Variants in SAMD4A observed in about 807,000 individuals in gnomAD.
SAMD4A encodes sterile alpha motif domain containing 4A.
A neutral mutation model predicts 81.3 loss-of-function variants in SAMD4A; 33 were observed. That is an observed-to-expected ratio of 0.41 (90% confidence interval 0.31 to 0.54). SAMD4A has a LOEUF of 0.54. Ranked by LOEUF, SAMD4A falls within the 20% of genes least tolerant of loss-of-function variation. The pLI is 0.37. For missense variants in SAMD4A, 854 were observed against 951.1 expected (o/e 0.90, Z 1.34); for synonymous variants, 389 against 382.1 (o/e 1.02, Z -0.21).
intron 3 of SAMD4A, among the ~76,000 whole-genome samples, chr14:54,728,937 T>C (rs2140897839): frequency 6.6e-6 from 1 of 152,328 alleles, no homozygotes; most frequent in East Asian, 1.9e-4. Context: ...TCTGGGAGCC[T>C]TTAAGCTTCA....
intron 2 of SAMD4A, among the ~76,000 whole-genome samples, chr14:54,637,365 CAAAAAAAAA>C (rs1172084217): frequency 1.3e-4 from 8 of 63,790 alleles, no homozygotes; most frequent in Admixed American, 8.3e-4. Context: ...AACTCCATCT[CAAAAAAAAA>C]AAAAAAAAAA....
intron 2 of SAMD4A, among the ~76,000 whole-genome samples, chr14:54,574,409 G>T (rs1439668819): frequency 6.6e-6 from 1 of 152,158 alleles, no homozygotes; most frequent in Non-Finnish European, 1.5e-5. Context: ...TGCTGTTGTA[G>T]TACCTCAAAT....
chr14:54,604,591 A>G (rs1173811088), intron 2 of SAMD4A, among the ~76,000 whole-genome samples: 1 of 152,182 alleles, frequency 6.6e-6, no homozygotes, highest in Admixed American at 6.5e-5. Context: ...ATATTAGATG[A>G]TCTTCAATCT....
At chr14:54,770,001 A>AGGC in intron 8 of SAMD4A, 103 bp from the exon 9 acceptor site, 1 of 729,768 alleles carries the variant, frequency 1.4e-6, no homozygotes, top group Non-Finnish European at 2.4e-6. Context: ...GGTGAAGAAA[A>AGGC]GGCAACTGCA....
At chr14:54,720,288 T>C (rs1462473119) in intron 3 of SAMD4A, among the ~76,000 whole-genome samples, 1 of 152,220 alleles carries the variant, frequency 6.6e-6, no homozygotes, top group Admixed American at 6.5e-5. Flanking sequence ...TGGAGTTCTC[T>C]TCTGCTCCCA....
intron 2 of SAMD4A, among the ~76,000 whole-genome samples, chr14:54,668,061 G>A (rs575821832): frequency 2.0e-4 from 30 of 152,184 alleles, no homozygotes; most frequent in African/African-American, 6.3e-4. Flanking sequence ...TCGGATTTCC[G>A]CCTCAAAAAC....
intron 3 of SAMD4A, among the ~76,000 whole-genome samples, chr14:54,710,253 A>G (rs2036956247): frequency 6.6e-6 from 1 of 152,156 alleles, no homozygotes; most frequent in Non-Finnish European, 1.5e-5. Context: ...TGATGATAAA[A>G]ATGATGTGTT....
Position 54,737,164 on chromosome 14 carries a change from T to C in SAMD4A, c.856T>C (p.Ser286Pro). ...LRARGPQCLP[S>P]DHAPLSPQSS... The stretch of plus-strand genomic sequence containing the variant: ...AGCTAGAGGACCCCAGTGCCTCCCA[T>C]CCGATCATGCCCCCCTGTCTCCACA... Residue 286 changes from serine (S) to proline (P), a missense_variant, in exon 4 of 13, where the codon TCC (serine) becomes CCC (proline). Physicochemically the swap from Ser to Pro is moderately conservative, Grantham distance 74. Coordinates refer to ENST00000554335, the MANE Select transcript of SAMD4A (RefSeq NM_015589.6). 6.2e-7 allele frequency: 1 copy of C among 1,614,080 alleles called. No homozygotes were observed. Among genetic ancestry groups the C allele is most frequent in the Non-Finnish European group, 8.5e-7 (1 of 1,180,006 alleles).
At chr14:54,594,544 C>T (rs1361569228) in intron 2 of SAMD4A, among the ~76,000 whole-genome samples, 1 of 152,158 alleles carries the variant, frequency 6.6e-6, no homozygotes, top group Non-Finnish European at 1.5e-5. Flanking sequence ...TAAGTACAAA[C>T]AGCAGGACAG....
intron 2 of SAMD4A, among the ~76,000 whole-genome samples, chr14:54,602,648 G>C (rs112938121): frequency 1.8e-3 from 276 of 152,044 alleles, no homozygotes; most frequent in Middle Eastern, 0.014. Context: ...GGCCTGTTGT[G>C]GGGTGGGGGG....
chr14:54,744,935 C>A (rs959644388), intron 4 of SAMD4A, among the ~76,000 whole-genome samples: 11 of 152,220 alleles, frequency 7.2e-5, no homozygotes, highest in African/African-American at 2.7e-4. Context: ...CTTCTCACCC[C>A]AAACCTGCTG....
intron 12 of SAMD4A, among the ~76,000 whole-genome samples, chr14:54,786,123 A>C (rs1416971054): frequency 6.6e-6 from 1 of 152,246 alleles, no homozygotes; most frequent in African/African-American, 2.4e-5. Flanking sequence ...GCTCAAAAAA[A>C]TGTGGTGTAT....
chr14:54,774,663 A>AAAAAAAAAAAAAT (rs1555353324), intron 9 of SAMD4A, among the ~76,000 whole-genome samples: 1 of 151,554 alleles, frequency 6.6e-6, no homozygotes, highest in Non-Finnish European at 1.5e-5. Context: ...AAAAAAAAAA[A>AAAAAAAAAAAAAT]GTTAGCTGGG....
intron 2 of SAMD4A, among the ~76,000 whole-genome samples, chr14:54,629,627 G>T (rs116249333): frequency 0.011 from 1,735 of 151,526 alleles, 28 homozygotes; most frequent in African/African-American, 0.04. Context: ...AAGCTTACTG[G>T]TATATTCTGG....
intron 2 of SAMD4A, among the ~76,000 whole-genome samples, chr14:54,660,736 C>T (rs1307845257): frequency 1.3e-5 from 2 of 152,184 alleles, no homozygotes; most frequent in Non-Finnish European, 2.9e-5. Context: ...TAACAGCAGC[C>T]CCCTTGAACC....
At chr14:54,600,625 T>A (rs2034028225) in intron 2 of SAMD4A, among the ~76,000 whole-genome samples, 1 of 152,198 alleles carries the variant, frequency 6.6e-6, no homozygotes, top group Non-Finnish European at 1.5e-5. Context: ...CAAGTAACTG[T>A]TTAGGATGGA....
At chr14:54,644,892 C>T (rs1594767356) in intron 2 of SAMD4A, among the ~76,000 whole-genome samples, 1 of 152,168 alleles carries the variant, frequency 6.6e-6, no homozygotes, top group East Asian at 1.9e-4. Flanking sequence ...CTCTGGGCCT[C>T]CGTTTCTTCA....
At chr14:54,630,822 T>C (rs1352124848) in intron 2 of SAMD4A, among the ~76,000 whole-genome samples, 1 of 152,100 alleles carries the variant, frequency 6.6e-6, no homozygotes, top group African/African-American at 2.4e-5. Context: ...CATATATGTG[T>C]ATATTTTATA....
intron 2 of SAMD4A, among the ~76,000 whole-genome samples, chr14:54,601,435 A>G (rs995857662): frequency 1.3e-5 from 2 of 152,188 alleles, no homozygotes; most frequent in East Asian, 1.9e-4. Flanking sequence ...TTATTGGTTC[A>G]TCTTTGGTGT....
Sources: gnomAD v4.1 joint callset for allele counts (sites outside exome capture counted in the v4.1 genomes callset) on GRCh38, gnomAD v4.1.1 for gene constraint, MANE v1.5 for transcripts, NCBI Gene and HGNC (gene_info 2026-07-23, HGNC 2026-07-21) for gene names.